AOPEP: variants seen among roughly 807,000 people sequenced by gnomAD.
The protein encoded by AOPEP is aminopeptidase O (putative), also known as aminopeptidase O.
AOPEP carries 77 observed loss-of-function variants against 98.1 expected under a neutral mutation model. The ratio of observed to expected loss-of-function variants is 0.78; its 90% CI spans 0.65 to 0.95. AOPEP has a LOEUF of 0.95. Among genes scored for constraint, AOPEP ranks in the 40% least tolerant of loss-of-function variants. AOPEP has a pLI of 0.00. For synonymous variants in AOPEP, 346 were observed against 365.3 expected (o/e 0.95, Z 0.60); for missense variants, 1,024 against 1,024.7 (o/e 1.00, Z 0.01).
the AOPEP span, among the ~76,000 whole-genome samples, chr9:95,139,091 C>T: frequency 6.6e-6 from 1 of 152,118 alleles, no homozygotes; most frequent in Non-Finnish European, 1.5e-5. Flanking sequence ...AGAATTTGGC[C>T]GAGCCAACAT....
rs1849794857 is a variant in AOPEP at position 94,808,690 on chromosome 9, C to A, written c.1364+7688C>A. 3.9e-5 allele frequency among the ~76,000 whole-genome samples: 6 copies of A among 152,354 alleles called. No individual in the cohort carries two copies. In the South Asian group the frequency reaches 1.2e-3, roughly 32 times the overall value. On this transcript the variant is annotated intron_variant, in intron 5 of 16. Coordinates refer to ENST00000375315, the MANE Select transcript of AOPEP (RefSeq NM_001193329.3). The stretch of plus-strand genomic sequence containing the variant: ...GAATAATCACCTCCCTGTTTCTCAC[C>A]ATAAAATGGAAATCTTGGAACTTCA...
intron 3 of AOPEP, among the ~76,000 whole-genome samples, chr9:94,775,747 G>A (rs1443612905): frequency 6.6e-6 from 1 of 152,088 alleles, no homozygotes; most frequent in African/African-American, 2.4e-5. Flanking sequence ...GGCCCAGGTG[G>A]GCGGATCATG....
intron 5 of AOPEP, among the ~76,000 whole-genome samples, chr9:94,846,671 C>T (rs773299161): frequency 6.6e-5 from 10 of 152,110 alleles, no homozygotes; most frequent in Non-Finnish European, 7.4e-5. Context: ...TTTCCAAGGC[C>T]GAGGTGGTGG....
intron 14 of AOPEP, among the ~76,000 whole-genome samples, chr9:95,063,590 C>T (rs541934815): frequency 1.3e-5 from 2 of 152,308 alleles, no homozygotes; most frequent in Admixed American, 6.5e-5. Flanking sequence ...GCCACGAATC[C>T]GAAAGGCCCA....
intron 13 of AOPEP, among the ~76,000 whole-genome samples, chr9:95,021,377 C>T (rs1326439649): frequency 6.6e-6 from 1 of 152,242 alleles, no homozygotes; most frequent in Non-Finnish European, 1.5e-5. Context: ...GCTTCCTCTC[C>T]TCCTTCTTAG....
chr9:95,092,784 G>T, the AOPEP span, among the ~76,000 whole-genome samples: 2 of 152,134 alleles, frequency 1.3e-5, no homozygotes, highest in Admixed American at 1.3e-4. Context: ...CCACAACGAG[G>T]TCTGACAGAA....
At chr9:94,942,678 A>G (rs561205417) in intron 7 of AOPEP, among the ~76,000 whole-genome samples, 2 of 152,306 alleles carry the variant, frequency 1.3e-5, no homozygotes, top group African/African-American at 4.8e-5. Flanking sequence ...ATCCTAAGTA[A>G]TCCTCCAAAA....
the AOPEP span, chr9:95,101,988 C>G: frequency 1.0e-6 from 1 of 987,392 alleles, no homozygotes; most frequent in Non-Finnish European, 1.5e-6. Flanking sequence ...AGTAAAGCAT[C>G]AGGGGCTCTA....
At chr9:95,088,261 A>G (rs562793278), downstream of AOPEP, among the ~76,000 whole-genome samples, 2 of 151,634 alleles carry the variant, frequency 1.3e-5, no homozygotes, top group African/African-American at 4.8e-5. Flanking sequence ...GCAGGCTGGA[A>G]TGCAATGGCA....
the AOPEP span, among the ~76,000 whole-genome samples, chr9:95,124,718 A>G: frequency 6.6e-6 from 1 of 152,218 alleles, no homozygotes; most frequent in Admixed American, 6.5e-5. Flanking sequence ...CATGCCATAT[A>G]GACCCCAGGG....
chr9:94,963,229 G>T (rs1244659862), intron 9 of AOPEP, among the ~76,000 whole-genome samples: 1 of 151,736 alleles, frequency 6.6e-6, no homozygotes, highest in South Asian at 2.1e-4. Context: ...TAAAATACTC[G>T]ACAGAAATTG....
In AOPEP at chr9:95,086,893, G is replaced by C; in HGVS notation, c.*216G>C. The C allele has an allele frequency of 1.0e-6, 1 of 987,832 alleles. No individual in the cohort carries two copies. Among genetic ancestry groups the C allele is most frequent in the South Asian group, 4.7e-5 (1 of 21,370 alleles). 61.2% of individuals were successfully genotyped at this position (987,832 alleles called of 1,614,324 possible). ...CTCGTAAACGCAGCCTCCCTCCCTGGAGGCTGCCTCCTGCCCTGGATCTGG... is the reference window on the plus strand; with the variant it reads ...CTCGTAAACGCAGCCTCCCTCCCTGCAGGCTGCCTCCTGCCCTGGATCTGG... On this transcript the variant is annotated 3_prime_UTR_variant, in exon 17 of 17. Coordinates refer to ENST00000375315, the MANE Select transcript of AOPEP (RefSeq NM_001193329.3).
chr9:94,915,253 TA>T (rs2052631734), intron 5 of AOPEP, among the ~76,000 whole-genome samples: 1 of 152,196 alleles, frequency 6.6e-6, no homozygotes, highest in Non-Finnish European at 1.5e-5. Context: ...TGGGAGAAAA[TA>T]AACAATATAT....
chr9:95,124,298 C>T, the AOPEP span, among the ~76,000 whole-genome samples: 1 of 152,066 alleles, frequency 6.6e-6, no homozygotes, highest in Non-Finnish European at 1.5e-5. Flanking sequence ...CCACTCTCGA[C>T]AGGCAATGTG....
At position 94,931,615 on chromosome 9, in the gene AOPEP, A is replaced by T. The variant is rs570499097; in HGVS notation, c.1661+3084A>T. 26 of 771,498 alleles carry T rather than the reference A, an allele frequency of 3.4e-5. No homozygotes were observed. In the East Asian group the frequency reaches 6.4e-4, roughly 19 times the overall value. 47.8% of individuals were successfully genotyped at this position (771,498 alleles called of 1,614,324 possible). ...GAGACCTTGGGAAAGAAGTCCCTTA[A>T]AAACAATCAGATGCTATCTTGTTCT... On this transcript the variant is annotated intron_variant, in intron 7 of 16. Coordinates refer to ENST00000375315, the MANE Select transcript of AOPEP (RefSeq NM_001193329.3).
chr9:94,751,202 A>G (rs899105476), intron 1 of AOPEP, among the ~76,000 whole-genome samples: 1 of 152,140 alleles, frequency 6.6e-6, no homozygotes, highest in East Asian at 1.9e-4. Context: ...GGCGCCTTAC[A>G]GTTCTTGTCA....
intron 5 of AOPEP, among the ~76,000 whole-genome samples, chr9:94,835,691 A>G (rs1289359056): frequency 5.9e-5 from 9 of 152,208 alleles, no homozygotes; most frequent in Non-Finnish European, 5.9e-5. Context: ...TTAACAGCTT[A>G]TAGGCAAATG....
At chr9:95,070,890 A>T (rs541917667) in intron 14 of AOPEP, among the ~76,000 whole-genome samples, 2 of 152,240 alleles carry the variant, frequency 1.3e-5, no homozygotes, top group African/African-American at 4.8e-5. Context: ...GGCCACAGCA[A>T]TGCCATCTAG....
intron 16 of AOPEP, chr9:95,085,327 G>T: frequency 2.1e-6 from 1 of 482,330 alleles, no homozygotes; most frequent in Non-Finnish European, 4.3e-6. Flanking sequence ...AACCGTGGTC[G>T]CGCTCACTGC....
Sources: gnomAD v4.1 joint callset for allele counts (sites outside exome capture counted in the v4.1 genomes callset) on GRCh38, gnomAD v4.1.1 for gene constraint, MANE v1.5 for transcripts, NCBI Gene and HGNC (gene_info 2026-07-23, HGNC 2026-07-21) for gene names.